ZFYVE9: variants seen among roughly 807,000 people sequenced by gnomAD.
ZFYVE9 encodes zinc finger FYVE-type containing 9, also known as zinc finger FYVE domain-containing protein 9.
A neutral mutation model predicts 126.7 loss-of-function variants in ZFYVE9; 43 were observed. The ratio of observed to expected loss-of-function variants is 0.34; its 90% confidence interval spans 0.27 to 0.44. ZFYVE9 has a LOEUF of 0.44. Among genes scored for constraint, ZFYVE9 ranks in the 20% least tolerant of loss-of-function variants. The pLI is 1.00. For missense variants in ZFYVE9, 1,476 were observed against 1,697.0 expected (o/e 0.87, Z 2.29); for synonymous variants, 521 against 597.4 (o/e 0.87, Z 1.87).
chr1:52,274,299 GTTTT>G (rs1334447604), intron 7 of ZFYVE9, among the ~76,000 whole-genome samples, 161 bp from the exon 8 acceptor site: 1 of 151,892 alleles, frequency 6.6e-6, no homozygotes, highest in African/African-American at 2.4e-5. Context: ...AGCCTGATTT[GTTTT>G]TTTGTTTTTT....
chr1:52,257,968 C>G (rs896921836), intron 4 of ZFYVE9, among the ~76,000 whole-genome samples: 1 of 152,202 alleles, frequency 6.6e-6, no homozygotes, highest in African/African-American at 2.4e-5. Flanking sequence ...CTCAGGTGAT[C>G]CACCTGCCTT....
intron 1 of ZFYVE9, among the ~76,000 whole-genome samples, chr1:52,188,687 A>G (rs1462428823): frequency 6.6e-6 from 1 of 152,182 alleles, no homozygotes; most frequent in African/African-American, 2.4e-5. Flanking sequence ...GATGAGTTGC[A>G]TTGGTTTATA....
chr1:52,294,022 C>T (rs1332250421), intron 11 of ZFYVE9, among the ~76,000 whole-genome samples: 1 of 152,088 alleles, frequency 6.6e-6, no homozygotes, highest in Non-Finnish European at 1.5e-5. Context: ...CAGTTACGAT[C>T]AATTATATTT....
rs1211754747 is a variant in ZFYVE9 at position 52,237,533 on chromosome 1, T to G, written c.116T>G (p.Ile39Ser). The change falls in exon 4 of 19, where the codon ATT becomes AGT. Residue 39 changes from isoleucine (I) to serine (S), a missense_variant. Ile to Ser is a moderately radical substitution (Grantham distance 142). Around this residue, in one of 2 missense-constraint regions of ZFYVE9, gnomAD observed 807 missense variants for 794.6 expected, o/e 1.02. Transcript: ENST00000287727. ...STLLDTKWNK[I>S]LDPPSHRLSF... ...TTATTGGATACAAAGTGGAATAAGA[T>G]TCTAGATCCCCCTTCTCACCGGCTG... is the stretch of plus-strand genomic sequence containing the variant. 1 of 1,613,846 alleles carries G rather than the reference T, an allele frequency of 6.2e-7. No homozygotes were observed. Among genetic ancestry groups the G allele is most frequent in the Non-Finnish European group, 8.5e-7 (1 of 1,179,806 alleles).
chr1:52,207,782 GTT>G (rs1019106873), intron 1 of ZFYVE9, among the ~76,000 whole-genome samples: 2 of 152,130 alleles, frequency 1.3e-5, no homozygotes, highest in South Asian at 2.1e-4. Flanking sequence ...CCACTGATTG[GTT>G]TCATGGTTCA....
intron 13 of ZFYVE9, among the ~76,000 whole-genome samples, chr1:52,312,641 T>C (rs1646148738): frequency 6.6e-6 from 1 of 152,188 alleles, no homozygotes; most frequent in Non-Finnish European, 1.5e-5. Context: ...CCAATATCTC[T>C]TGGAAAAACT....
At chr1:52,319,604 A>G (rs1181296277) in intron 13 of ZFYVE9, among the ~76,000 whole-genome samples, 1 of 151,116 alleles carries the variant, frequency 6.6e-6, no homozygotes, top group Non-Finnish European at 1.5e-5. Context: ...AGCCTGGGTA[A>G]CGAGCAAAAC....
chr1:52,231,244 G>A (rs1645218415), intron 2 of ZFYVE9, among the ~76,000 whole-genome samples: 1 of 152,170 alleles, frequency 6.6e-6, no homozygotes, highest in South Asian at 2.1e-4. Flanking sequence ...TGGGCTGGGT[G>A]TGGTGGCTCA....
rs1644268829 is a variant in ZFYVE9, at chr1:52,142,559, C to CCCCCGAGGTGCGG, written c.-143+161_-143+162insAGGTGCGGCCCCG. 6.6e-6 allele frequency among the ~76,000 whole-genome samples: 1 copy of CCCCCGAGGTGCGG among 152,144 alleles called. No homozygotes were observed. Among genetic ancestry groups the CCCCCGAGGTGCGG allele is most frequent in the African/African-American group, 2.4e-5 (1 of 41,460 alleles). On this transcript the variant is annotated intron_variant, in intron 1 of 18. Transcript: ENST00000287727. The surrounding 1 kb of genome is among the most constrained non-coding windows in gnomAD (Gnocchi z 4.5). ...GGGCCTCAGCCCTTTCTCCCCGCGT[C>CCCCCGAGGTGCGG]CCCCGGGAGGCTGAAGGCCGTGGGG...
In ZFYVE9 at chr1:52,142,598, C is replaced by T. The variant is rs1644269137; in HGVS notation, c.-143+195C>T. ...AAGGCCGTGGGGGGCGATTAGGCCC[C>T]GCGCCGTTGGGAAGCCCTCGCTCCG... On this transcript the variant is annotated intron_variant, in intron 1 of 18. Transcript: ENST00000287727. This position sits in a 1 kb window ranked among gnomAD's most constrained non-coding sequence, Gnocchi z 4.5. Among the ~76,000 whole-genome samples the T allele has an allele frequency of 1.3e-5, 2 of 152,128 alleles. No individual in the cohort carries two copies. The highest frequency in any genetic ancestry group is 4.1e-4 in the South Asian group (2 of 4,836).
intron 1 of ZFYVE9, among the ~76,000 whole-genome samples, chr1:52,147,986 T>C (rs897662349): frequency 1.3e-5 from 2 of 152,016 alleles, no homozygotes; most frequent in Non-Finnish European, 2.9e-5. Flanking sequence ...TTTCATTATG[T>C]TGGCTAGGCT....
intron 1 of ZFYVE9, among the ~76,000 whole-genome samples, chr1:52,215,009 C>T (rs1360115533): frequency 6.6e-6 from 1 of 152,182 alleles, no homozygotes; most frequent in African/African-American, 2.4e-5. Context: ...CACAGACATA[C>T]CCAGAAATAG....
chr1:52,343,343 A>G (rs1466430131), intron 17 of ZFYVE9, among the ~76,000 whole-genome samples: 1 of 151,798 alleles, frequency 6.6e-6, no homozygotes, highest in Non-Finnish European at 1.5e-5. Flanking sequence ...CTACTTGGGA[A>G]GCTGAGGCAG....
At chr1:52,281,616 A>G in intron 9 of ZFYVE9, 45 bp from the exon 10 acceptor site, 1 of 1,603,546 alleles carries the variant, frequency 6.2e-7, no homozygotes, top group Middle Eastern at 1.8e-4. Context: ...AAGAGTAAGG[A>G]TTGATAGGAA....
intron 2 of ZFYVE9, among the ~76,000 whole-genome samples, chr1:52,219,399 G>T (rs1321996253): frequency 6.6e-6 from 1 of 152,022 alleles, no homozygotes; most frequent in Non-Finnish European, 1.5e-5. Flanking sequence ...AATGGTTGCG[G>T]CCCCTTTTAG....
At chr1:52,283,339 C>T (rs984943254) in intron 10 of ZFYVE9, among the ~76,000 whole-genome samples, 1 of 152,130 alleles carries the variant, frequency 6.6e-6, no homozygotes, top group Non-Finnish European at 1.5e-5. Flanking sequence ...ATGCTTTATT[C>T]TGTAGGCAAT....
chr1:52,181,664 ATC>A (rs1487190217), intron 1 of ZFYVE9, among the ~76,000 whole-genome samples: 6 of 140,954 alleles, frequency 4.3e-5, no homozygotes, highest in Admixed American at 2.1e-4. Flanking sequence ...CCGCCATCCC[ATC>A]TAGGAAGTGA....
At chr1:52,208,610 C>T (rs992704645) in intron 1 of ZFYVE9, among the ~76,000 whole-genome samples, 12 of 151,928 alleles carry the variant, frequency 7.9e-5, no homozygotes, top group African/African-American at 2.4e-4. Flanking sequence ...CTTGGCCCAC[C>T]GCAACCTCTG....
rs1646397168 is a variant in ZFYVE9, at chr1:52,337,097, GCTGA to G, written c.3671-672_3671-669del. On this transcript the variant is annotated intron_variant, in intron 15 of 18. Coordinates refer to ENST00000287727, the MANE Select transcript of ZFYVE9 (RefSeq NM_004799.4). ...CTTGTGTGTTTCAGTGGAGCGATTGGCTGACTATGAAATTGTTATTGAGACTCTT... is the reference window on the plus strand; with the variant it reads ...CTTGTGTGTTTCAGTGGAGCGATTGGCTATGAAATTGTTATTGAGACTCTT... Among the ~76,000 whole-genome samples, 11 of 152,260 alleles carry G rather than the reference GCTGA, an allele frequency of 7.2e-5. No homozygotes were observed. In the South Asian group the frequency reaches 2.1e-3, roughly 29 times the overall value.
Sources: gnomAD v4.1 joint callset for allele counts (sites outside exome capture counted in the v4.1 genomes callset) on GRCh38, gnomAD v4.1.1 for gene constraint, gnomAD v4.1.1 regional missense constraint, Gnocchi (gnomAD v3.1) non-coding constraint, MANE v1.5 for transcripts, NCBI Gene and HGNC (gene_info 2026-07-23, HGNC 2026-07-21) for gene names.